The following SPAG16 variants were observed in gnomAD, a reference collection of about 807,000 sequenced individuals.
SPAG16 encodes sperm associated antigen 16.
A neutral mutation model predicts 80.4 loss-of-function variants in SPAG16; 86 were observed. That is an observed-to-expected ratio of 1.07 (90% CI 0.90 to 1.28). The LOEUF is 1.28. Among genes scored for constraint, SPAG16 ranks in the 50% most tolerant of loss-of-function variants. The pLI, the probability that SPAG16 is intolerant of heterozygous loss-of-function variation, is 0.00. For synonymous variants in SPAG16, 294 were observed against 265.9 expected, an observed-to-expected ratio of 1.11 and a Z score of -1.03; for missense variants, 870 against 765.3, an observed-to-expected ratio of 1.14 and a Z score of -1.61.
intron 15 of SPAG16, among the ~76,000 whole-genome samples, chr2:214,198,032 G>A (rs1204288541): frequency 1.3e-5 from 2 of 152,024 alleles, no homozygotes; most frequent in African/African-American, 2.4e-5. Context: ...TAATCTTATA[G>A]ATAACTTGTT....
intron 13 of SPAG16, among the ~76,000 whole-genome samples, chr2:214,083,300 G>A (rs2051505257): frequency 6.6e-6 from 1 of 152,140 alleles, no homozygotes; most frequent in African/African-American, 2.4e-5. Flanking sequence ...TGACTGGTAA[G>A]CTAAGGGAAA....
intron 12 of SPAG16, among the ~76,000 whole-genome samples, chr2:213,947,183 A>C (rs1404903317): frequency 1.3e-5 from 2 of 152,324 alleles, no homozygotes; most frequent in East Asian, 3.9e-4. Flanking sequence ...GTTTGAACAT[A>C]AGTCTTCATT....
intron 12 of SPAG16, among the ~76,000 whole-genome samples, chr2:213,932,949 AAC>A (rs3076792): frequency 0.056 from 8,129 of 143,922 alleles, 231 homozygotes; most frequent in East Asian, 0.066. Context: ...GTTGTTTGAA[AAC>A]ACACACACAC....
At chr2:213,689,982 T>G (rs2064870288) in intron 10 of SPAG16, among the ~76,000 whole-genome samples, 1 of 152,238 alleles carries the variant, frequency 6.6e-6, no homozygotes, top group South Asian at 2.1e-4. Flanking sequence ...GACCATCATT[T>G]TGCTAAATCT....
At chr2:214,287,150 G>A (rs978439211) in intron 15 of SPAG16, among the ~76,000 whole-genome samples, 5 of 152,094 alleles carry the variant, frequency 3.3e-5, no homozygotes, top group Non-Finnish European at 7.3e-5. Flanking sequence ...CCATAATCAT[G>A]CATGGCCTGT....
chr2:214,116,749 A>G (rs1254584397), intron 14 of SPAG16, among the ~76,000 whole-genome samples: 2 of 152,204 alleles, frequency 1.3e-5, no homozygotes, highest in African/African-American at 2.4e-5. Flanking sequence ...GAGCCATGTC[A>G]TCCTTGGAAC....
intron 10 of SPAG16, among the ~76,000 whole-genome samples, chr2:213,857,050 C>T (rs2372262): frequency 1.3e-5 from 2 of 151,778 alleles, no homozygotes; most frequent in African/African-American, 4.8e-5. Flanking sequence ...GCCAACATGG[C>T]GAAACCCTAT....
chr2:214,305,269 T>G (rs1694833383), intron 15 of SPAG16, among the ~76,000 whole-genome samples: 1 of 152,244 alleles, frequency 6.6e-6, no homozygotes. Context: ...ACTCTTGTTA[T>G]TAGACCTTTG....
chr2:213,475,243 A>G (rs1256359999), intron 9 of SPAG16, among the ~76,000 whole-genome samples: 2 of 152,088 alleles, frequency 1.3e-5, no homozygotes, highest in Non-Finnish European at 2.9e-5. Flanking sequence ...ATCCCCCTAA[A>G]TTTGTCTTAA....
intron 15 of SPAG16, among the ~76,000 whole-genome samples, chr2:214,247,068 T>A (rs1460149715): frequency 6.6e-6 from 1 of 152,132 alleles, no homozygotes; most frequent in African/African-American, 2.4e-5. Context: ...GTAAACCACT[T>A]GTAAATTGTA....
At chr2:213,894,833 A>C (rs1028953322) in intron 11 of SPAG16, among the ~76,000 whole-genome samples, 1 of 151,812 alleles carries the variant, frequency 6.6e-6, no homozygotes, top group Non-Finnish European at 1.5e-5. Context: ...TACTAAAAAT[A>C]CAAAAAATTA....
At chr2:213,677,795 C>T (rs2064163943) in intron 10 of SPAG16, among the ~76,000 whole-genome samples, 1 of 152,126 alleles carries the variant, frequency 6.6e-6, no homozygotes, top group Non-Finnish European at 1.5e-5. Context: ...AAGTCTCCAC[C>T]CCAAATCAAC....
intron 15 of SPAG16, among the ~76,000 whole-genome samples, chr2:214,172,386 A>G (rs1352150131): frequency 6.6e-6 from 1 of 151,878 alleles, no homozygotes; most frequent in Non-Finnish European, 1.5e-5. Flanking sequence ...GAGAATGATG[A>G]TTTCCAATTT....
At chr2:214,198,257 C>T (rs1177226474) in intron 15 of SPAG16, among the ~76,000 whole-genome samples, 2 of 151,944 alleles carry the variant, frequency 1.3e-5, no homozygotes, top group African/African-American at 4.8e-5. Context: ...CTACCCTTCC[C>T]CCACCCACTG....
intron 14 of SPAG16, among the ~76,000 whole-genome samples, chr2:214,114,002 G>C (rs527683397): frequency 6.6e-6 from 1 of 152,226 alleles, no homozygotes; most frequent in Admixed American, 6.5e-5. Context: ...CTGCAGATGG[G>C]GTTTTGGTGT....
At chr2:213,504,762 G>A (rs1334737333) in intron 10 of SPAG16, among the ~76,000 whole-genome samples, 1 of 152,206 alleles carries the variant, frequency 6.6e-6, no homozygotes, top group African/African-American at 2.4e-5. Flanking sequence ...GAAAAAAGGG[G>A]AAGTTTATAA....
At chr2:213,724,776 C>CAAAAAAAA (rs1159240137) in intron 10 of SPAG16, among the ~76,000 whole-genome samples, 10 of 39,874 alleles carry the variant, frequency 2.5e-4, no homozygotes, top group Admixed American at 9.2e-4. Context: ...GACTCTGTCT[C>CAAAAAAAA]AAAAAAAAAA....
At chr2:213,751,864 A>G (rs186908562) in intron 10 of SPAG16, among the ~76,000 whole-genome samples, 2 of 152,274 alleles carry the variant, frequency 1.3e-5, no homozygotes, top group African/African-American at 4.8e-5. Context: ...ACAAACTCTC[A>G]GGCCCAGTTT....
At chr2:214,245,131 C>A (rs1298839366) in intron 15 of SPAG16, among the ~76,000 whole-genome samples, 1 of 152,174 alleles carries the variant, frequency 6.6e-6, no homozygotes, top group Admixed American at 6.6e-5. Context: ...ACTTCTACTT[C>A]TGCATGCTGT....
Sources: allele counts gnomAD v4.1 joint callset (sites outside exome capture counted in the v4.1 genomes callset), GRCh38; gene constraint gnomAD v4.1.1; transcripts MANE v1.5; gene names NCBI Gene and HGNC (gene_info 2026-07-23, HGNC 2026-07-21).